The following NCAN variants were observed in gnomAD, a reference collection of about 807,000 sequenced individuals.
NCAN encodes the protein neurocan core protein.
NCAN carries 47 observed loss-of-function variants against 121.8 expected under a neutral mutation model. The ratio of observed to expected loss-of-function variants is 0.39; its 90% CI spans 0.31 to 0.49. The LOEUF (loss-of-function observed/expected upper bound fraction) is 0.49. Among genes scored for constraint, NCAN ranks in the 20% least tolerant of loss-of-function variants. The pLI, the probability that NCAN is intolerant of heterozygous loss-of-function variation, is 0.92. For synonymous variants in NCAN, 633 were observed against 702.0 expected (o/e 0.90, Z 1.55); for missense variants, 1,517 against 1,773.4 (o/e 0.86, Z 2.60).
chr19:19,244,724 T>A (rs2060917915), intron 12 of NCAN, among the ~76,000 whole-genome samples: 1 of 146,502 alleles, frequency 6.8e-6, no homozygotes, highest in Non-Finnish European at 1.5e-5. Flanking sequence ...TTCTTTTTCT[T>A]TTCCTTTTTT....
In NCAN at chr19:19,224,303, C is replaced by T. The variant is rs1242429318; in HGVS notation, c.651-3C>T. 6.2e-7 allele frequency: 1 copy of T among 1,612,552 alleles called. No individual in the cohort carries two copies. The highest frequency in any genetic ancestry group is 8.5e-7 in the Non-Finnish European group (1 of 1,178,878). Reference sequence around the variant, plus strand: ...GAGAGGGACCCTCCCCTTGTGTTGTCAGGTATCCTATCACCCAGTCCCGTC... The same window carrying T: ...GAGAGGGACCCTCCCCTTGTGTTGTTAGGTATCCTATCACCCAGTCCCGTC... On this transcript the variant is annotated splice_polypyrimidine_tract_variant and splice_region_variant and intron_variant, in intron 4 of 14. Transcript: ENST00000252575.
Position 19,212,881 on chromosome 19 carries a change from A to C in NCAN, c.-8+817A>C, listed in dbSNP as rs545205976. On this transcript the variant is annotated intron_variant, in intron 1 of 14. Coordinates refer to ENST00000252575, the MANE Select transcript of NCAN (RefSeq NM_004386.3). This position sits in a 1 kb window ranked among gnomAD's most constrained non-coding sequence, Gnocchi z 4.5. Reference sequence around the variant, plus strand: ...TCCCCCAGCACCTTCACAGCCTCCCACGTCCTTACAGCATGACACAGACCC... The same window carrying C: ...TCCCCCAGCACCTTCACAGCCTCCCCCGTCCTTACAGCATGACACAGACCC... 6.6e-6 allele frequency among the ~76,000 whole-genome samples: 1 copy of C among 152,276 alleles called. No homozygotes were observed. The highest frequency in any genetic ancestry group is 2.4e-5 in the African/African-American group (1 of 41,566).
chr19:19,221,890 C>CAAAT (rs56882747), intron 3 of NCAN, among the ~76,000 whole-genome samples: 10,704 of 151,546 alleles, frequency 0.071, 690 homozygotes, highest in African/African-American at 0.17. Context: ...GACCCTGACT[C>CAAAT]AAATAAATAA....
In NCAN at chr19:19,250,856, C is replaced by T. The variant is rs559297625; in HGVS notation, c.*945C>T. ...CCTGGGTCCCACTCCTGCCCCACCC[C>T]ACCCTTGTCCCTGGCCATTGCCTGG... On this transcript the variant is annotated 3_prime_UTR_variant, in exon 15 of 15. Coordinates refer to ENST00000252575, the MANE Select transcript of NCAN (RefSeq NM_004386.3). 246 of 157,756 alleles carry T rather than the reference C, an allele frequency of 1.6e-3. 2 individuals are homozygous for T. Among genetic ancestry groups the T allele is most frequent in the Admixed American group, 5.5e-3 (85 of 15,596 alleles). 9.8% of individuals were successfully genotyped at this position (157,756 alleles called of 1,614,324 possible). A position where few individuals can be genotyped will look rare whatever the true frequency, so the allele number is the denominator to read the frequency against.
intron 3 of NCAN, among the ~76,000 whole-genome samples, chr19:19,219,747 C>T (rs1167323112): frequency 6.8e-6 from 1 of 147,128 alleles, no homozygotes; most frequent in Non-Finnish European, 1.5e-5. Context: ...TGATAAAGTC[C>T]TAAAGTCTTT....
chr19:19,234,557 G>A (rs974945487), intron 9 of NCAN, among the ~76,000 whole-genome samples: 6 of 152,182 alleles, frequency 3.9e-5, no homozygotes, highest in African/African-American at 4.8e-5. Context: ...CGTGCCTCAA[G>A]CACTGTCTAC....
intron 6 of NCAN, among the ~76,000 whole-genome samples, chr19:19,226,078 T>C (rs553757041): frequency 6.6e-6 from 1 of 152,100 alleles, no homozygotes; most frequent in Non-Finnish European, 1.5e-5. Context: ...TACAGGAATG[T>C]GCCACCATGC....
chr19:19,249,778 A>C lies in NCAN; in HGVS notation c.3833A>C (p.His1278Pro). The C allele has an allele frequency of 6.2e-7, 1 of 1,605,898 alleles. No homozygotes were observed. Among genetic ancestry groups the C allele is most frequent in the Non-Finnish European group, 8.5e-7 (1 of 1,176,668 alleles). ...QIVCTKPRRS[H>P]RMRRHHHHHQ... ...CACTTCCCTGCAGCCAGACGTTCACATCGGATGCGGCGACACCACCACCAC... is the reference window on the plus strand; with the variant it reads ...CACTTCCCTGCAGCCAGACGTTCACCTCGGATGCGGCGACACCACCACCAC... Residue 1278 changes from histidine (H) to proline (P), a missense_variant, in exon 15 of 15, where the codon CAT becomes CCT. Physicochemically the swap from His to Pro is moderately conservative, Grantham distance 77. Coordinates refer to ENST00000252575, the MANE Select transcript of NCAN (RefSeq NM_004386.3).
intron 1 of NCAN, among the ~76,000 whole-genome samples, chr19:19,213,426 C>T (rs377191060): frequency 7.2e-6 from 1 of 138,100 alleles, no homozygotes; most frequent in Admixed American, 8.2e-5. Context: ...TTATCCATCT[C>T]GGTTTGTGCC....
intron 11 of NCAN, among the ~76,000 whole-genome samples, chr19:19,240,119 T>C (rs1466810745): frequency 8.2e-6 from 1 of 122,052 alleles, no homozygotes; most frequent in African/African-American, 3.1e-5. Context: ...CTCCTCCCCA[T>C]CCTTCTTCCC....
rs1806124019 is a variant in NCAN, at chr19:19,212,629, C to T, written c.-8+565C>T. 6.6e-6 allele frequency among the ~76,000 whole-genome samples: 1 copy of T among 152,198 alleles called. No homozygotes were observed. The highest frequency in any genetic ancestry group is 2.1e-4 in the South Asian group (1 of 4,834). On this transcript the variant is annotated intron_variant, in intron 1 of 14. Transcript: ENST00000252575. This position sits in a 1 kb window ranked among gnomAD's most constrained non-coding sequence, Gnocchi z 4.5. ...AGGGGCTCCCTGCCATCTCCCTGTC[C>T]TTTTGGGTCAGGTCCGGTCACCACG...
At chr19:19,223,439 A>G (rs891752373) in intron 3 of NCAN, among the ~76,000 whole-genome samples, 4 of 152,104 alleles carry the variant, frequency 2.6e-5, no homozygotes, top group Non-Finnish European at 5.9e-5. Flanking sequence ...TAAGAGTTCA[A>G]TAAGATAATG....
chr19:19,239,742 C>T (rs2060895909), intron 11 of NCAN, among the ~76,000 whole-genome samples: 2 of 129,180 alleles, frequency 1.5e-5, no homozygotes, highest in Admixed American at 1.6e-4. Flanking sequence ...AGGCCTCCTC[C>T]CTTCTACTCC....
chr19:19,227,647 A>G lies in NCAN; in HGVS notation c.2027A>G (p.Lys676Arg). ...CCACCCTCCCCTGCTGCAGAGACCA[A>G]GGTGTATTCCCTGCCTCTCTCTTTG... ...TAPPSPAAET[K>R]VYSLPLSLTP... The change falls in exon 8 of 15, where the codon AAG (lysine) becomes AGG (arginine). Residue 676 changes from lysine (K) to arginine (R), a missense_variant. Coordinates refer to ENST00000252575, the MANE Select transcript of NCAN (RefSeq NM_004386.3). This position sits in a 1 kb window ranked among gnomAD's most constrained non-coding sequence, Gnocchi z 4.2. The G allele has an allele frequency of 6.2e-7, 1 of 1,613,928 alleles. No homozygotes were observed. The highest frequency in any genetic ancestry group is 8.5e-7 in the Non-Finnish European group (1 of 1,180,006).
chr19:19,237,958 G>T (rs888275771), intron 10 of NCAN, among the ~76,000 whole-genome samples: 8 of 152,166 alleles, frequency 5.3e-5, no homozygotes, highest in African/African-American at 1.9e-4. Flanking sequence ...TGGGAGGATT[G>T]CTTGAGTATG....
Position 19,248,831 on chromosome 19 carries a change from C to T in NCAN, c.3769C>T (p.Arg1257Ter). Residue 1257 changes from arginine to a stop codon, truncating the protein, a stop_gained, in exon 14 of 15, where the codon CGA (arginine) becomes TGA (stop). Coordinates refer to ENST00000252575, the MANE Select transcript of NCAN (RefSeq NM_004386.3). LOFTEE classifies it high-confidence loss of function. ...TGCCCAGCACCATGTGGCCACCATT[C>T]GATGCCGGAGCAATGGCAAGTGGGA... The part of the protein sequence containing the change: ...GFAQHHVATI[R>*]CRSNGKWDRP... 2 of 1,614,190 alleles carry T rather than the reference C, an allele frequency of 1.2e-6. No individual in the cohort carries two copies. The highest frequency in any genetic ancestry group is 1.7e-6 in the Non-Finnish European group (2 of 1,180,040).
chr19:19,224,739 C>T (rs2060829226), intron 5 of NCAN, among the ~76,000 whole-genome samples: 1 of 152,040 alleles, frequency 6.6e-6, no homozygotes, highest in African/African-American at 2.4e-5. Context: ...CTCCCTCTCT[C>T]TGAAGCCCGA....
intron 14 of NCAN, chr19:19,249,163 C>T (rs2060937309): frequency 1.1e-5 from 4 of 359,060 alleles, no homozygotes; most frequent in South Asian, 8.5e-5. Flanking sequence ...TGCAACCTCC[C>T]GGGTTCAAGC....
intron 12 of NCAN, among the ~76,000 whole-genome samples, chr19:19,242,827 T>C (rs2060908888): frequency 6.6e-6 from 1 of 152,076 alleles, no homozygotes; most frequent in Admixed American, 6.6e-5. Flanking sequence ...TGCAATGGAA[T>C]ATTGTTCGGC....
Sources: allele counts gnomAD v4.1 joint callset (sites outside exome capture counted in the v4.1 genomes callset), GRCh38; gene constraint gnomAD v4.1.1; non-coding constraint Gnocchi (gnomAD v3.1); transcripts MANE v1.5; gene names NCBI Gene and HGNC (gene_info 2026-07-23, HGNC 2026-07-21).